Variants in ZNF276 observed in about 807,000 individuals in gnomAD.
ZNF276 encodes the protein centromere protein Z.
In ZNF276, 59 loss-of-function variants were observed where a neutral mutation model predicts 63.9. That is an observed-to-expected ratio of 0.92 (90% CI 0.75 to 1.15). The LOEUF is 1.15. ZNF276 is among the 50% of genes most tolerant of loss of function. The probability of loss-of-function intolerance (pLI) is 0.00; values close to 1 mark genes in which losing one functional copy is unlikely to be tolerated. For synonymous variants in ZNF276, 496 were observed against 348.4 expected (o/e 1.42, Z -4.72); for missense variants, 1,084 against 843.8 (o/e 1.28, Z -3.53).
Position 89,740,741 on chromosome 16 carries a change from G to A in ZNF276, c.*2495G>A. On this transcript the variant is annotated 3_prime_UTR_variant, in exon 11 of 11. Transcript: ENST00000443381. ...GGAAACCCTGACTTGGAAGCTGGCT[G>A]CCTGGTGCCCCTGCCTGGCCCACAG... 7.0e-7 allele frequency: 1 copy of A among 1,429,388 alleles called. No individual in the cohort carries two copies. The highest frequency in any genetic ancestry group is 9.8e-7 in the Non-Finnish European group (1 of 1,018,776). 88.5% of individuals were successfully genotyped at this position (1,429,388 alleles called of 1,614,324 possible).
At chr16:89,731,206 C>T (rs1275812349) in intron 6 of ZNF276, among the ~76,000 whole-genome samples, 1 of 152,244 alleles carries the variant, frequency 6.6e-6, no homozygotes, top group African/African-American at 2.4e-5. Context: ...TTATTAGGGA[C>T]AGGGAGAGAA....
At chr16:89,736,390 TCTCAGCTCACTGCAAC>T (rs1381119156) in intron 9 of ZNF276, among the ~76,000 whole-genome samples, 1 of 149,722 alleles carries the variant, frequency 6.7e-6, no homozygotes, top group Non-Finnish European at 1.5e-5. Context: ...AGCTGTGCAA[TCTCAGCTCACTGCAAC>T]CTCCACCTCC....
chr16:89,739,409 C>T lies in ZNF276; in HGVS notation c.*1163C>T. On this transcript the variant is annotated 3_prime_UTR_variant, in exon 11 of 11. Transcript: ENST00000443381. ...AGACAACCCTTCCCATCTGGCGGGA[C>T]CCAGAGGTGCTGAGATGGGGGTCTG... is the stretch of plus-strand genomic sequence containing the variant. 6.4e-7 allele frequency: 1 copy of T among 1,557,972 alleles called. No individual in the cohort carries two copies. Among genetic ancestry groups the T allele is most frequent in the African/African-American group, 1.4e-5 (1 of 73,854 alleles).
chr16:89,721,865 G>A lies in ZNF276; in HGVS notation c.205+20G>A. ...AGGCAGGTGGGTCCGCGGCCCGGGC[G>A]TGGCGGGTTGGGGTCGCGGCAGGGG... On this transcript the variant is annotated intron_variant, in intron 1 of 10. Transcript: ENST00000443381. 7 of 1,200,324 alleles carry A rather than the reference G, an allele frequency of 5.8e-6. No individual in the cohort carries two copies. The highest frequency in any genetic ancestry group is 7.2e-6 in the Non-Finnish European group (7 of 967,254). 74.4% of individuals were successfully genotyped at this position (1,200,324 alleles called of 1,614,324 possible).
In ZNF276 at chr16:89,739,165, G is replaced by T. The variant is rs372493612; in HGVS notation, c.*919G>T. ...TTGAGCTCCAGGCTCCTGCCAGCTG[G>T]AGGTGAAACTGTGCTTGTATCCCCA... is the stretch of plus-strand genomic sequence containing the variant. On this transcript the variant is annotated 3_prime_UTR_variant, in exon 11 of 11. Transcript: ENST00000443381. 1 of 1,614,152 alleles carries T rather than the reference G, an allele frequency of 6.2e-7. No individual in the cohort carries two copies. The highest frequency in any genetic ancestry group is 8.5e-7 in the Non-Finnish European group (1 of 1,180,042).
Position 89,739,974 on chromosome 16 carries a change from C to T in ZNF276, c.*1728C>T, listed in dbSNP as rs2151714503. 1.9e-6 allele frequency: 3 copies of T among 1,613,334 alleles called. No homozygotes were observed. Among genetic ancestry groups the T allele is most frequent in the Middle Eastern group, 3.3e-4 (2 of 6,060 alleles). ...AAAGAGCGGCCCTCCGCATTTGTGC[C>T]TCAGCAGCGTGTTTCTTACCACTCT... On this transcript the variant is annotated 3_prime_UTR_variant, in exon 11 of 11. Coordinates refer to ENST00000443381, the MANE Select transcript of ZNF276 (RefSeq NM_001113525.2).
At chr16:89,725,367 A>T (rs1028228810) in intron 4 of ZNF276, among the ~76,000 whole-genome samples, 12 of 151,300 alleles carry the variant, frequency 7.9e-5, no homozygotes, top group African/African-American at 2.9e-4. Context: ...TTTTTAGTAG[A>T]GATGGGGTTT....
At chr16:89,720,385 T>G (rs200708331), upstream of ZNF276, 4 of 994,424 alleles carry the variant, frequency 4.0e-6, no homozygotes, top group Non-Finnish European at 3.6e-6. Context: ...TGCCGTCCCC[T>G]GTGGCAACCG....
At position 89,721,681 on chromosome 16, in the gene ZNF276, C is replaced by A; in HGVS notation, c.41C>A (p.Ser14Ter). 2.1e-6 allele frequency: 3 copies of A among 1,434,496 alleles called. No homozygotes were observed. Among genetic ancestry groups the A allele is most frequent in the South Asian group, 1.4e-5 (1 of 73,318 alleles). The allele number at this position is 1,434,496 out of a possible 1,614,324, so 88.9% of individuals were successfully genotyped here. Residue 14 changes from serine to a stop codon, truncating the protein, a stop_gained, in exon 1 of 11, where the codon TCG becomes TAG. Transcript: ENST00000443381. LOFTEE classifies it high-confidence loss of function. ...CTGGGCCGCTTCCTGTCTCCTGGGT[C>A]GTCCCGACAGTGCGGGGCCTCGGAC... Reference protein sequence around the residue: ...DRLGRFLSPGSSRQCGASDGG... With the variant: ...DRLGRFLSPG
chr16:89,737,942 C>T (rs2062001371), intron 10 of ZNF276, 34 bp from the exon 11 acceptor site: 3 of 1,613,814 alleles, frequency 1.9e-6, no homozygotes, highest in South Asian at 1.1e-5. Context: ...AGGGCTGTGG[C>T]CCTCGCACCT....
At position 89,738,685 on chromosome 16, in the gene ZNF276, G is replaced by A. The variant is rs367630825; in HGVS notation, c.*439G>A. ...GGAGGGCGGCGCTCACCTCTGGGTC[G>A]CAGTCCCCACGATCAGCCAGCAGCT... On this transcript the variant is annotated 3_prime_UTR_variant, in exon 11 of 11. Coordinates refer to ENST00000443381, the MANE Select transcript of ZNF276 (RefSeq NM_001113525.2). The A allele has an allele frequency of 4.8e-5, 78 of 1,613,900 alleles. No homozygotes were observed. Among genetic ancestry groups the A allele is most frequent in the South Asian group, 9.9e-5 (9 of 91,084 alleles).
intron 9 of ZNF276, 139 bp from the exon 10 acceptor site, chr16:89,737,667 G>C (rs1034662653): frequency 2.0e-6 from 3 of 1,500,148 alleles, no homozygotes; most frequent in Admixed American, 2.2e-5. Context: ...GCCCTCATAG[G>C]CCCCTTGCTT....
At position 89,723,297 on chromosome 16, in the gene ZNF276, C is replaced by T; in HGVS notation, c.594C>T (p.Gly198=). 1 of 1,613,064 alleles carries T rather than the reference C, an allele frequency of 6.2e-7. No homozygotes were observed. The highest frequency in any genetic ancestry group is 8.5e-7 in the Non-Finnish European group (1 of 1,180,006). ...LITSSPQCLH[G]LVGWVHGHAA... The stretch of plus-strand genomic sequence containing the variant: ...CATCCAGCCCCCAGTGCCTGCACGG[C>T]TTGGTGGGGTGGGTGCATGGACATG... Residue 198 remains glycine, a synonymous_variant, in exon 4 of 11, where the codon GGC becomes GGT. Transcript: ENST00000443381.
chr16:89,735,158 G>A (rs1389418272), intron 9 of ZNF276, among the ~76,000 whole-genome samples: 1 of 151,996 alleles, frequency 6.6e-6, no homozygotes, highest in East Asian at 1.9e-4. Context: ...GAACCACGTG[G>A]ACCCACATAT....
chr16:89,730,902 A>G (rs2151684872), intron 6 of ZNF276, among the ~76,000 whole-genome samples: 1 of 152,334 alleles, frequency 6.6e-6, no homozygotes, highest in Admixed American at 6.5e-5. Context: ...GACTTCTGTG[A>G]TGTGTTAATG....
Position 89,723,253 on chromosome 16 carries a change from T to C in ZNF276, c.557-7T>C, listed in dbSNP as rs2061364412. On this transcript the variant is annotated splice_polypyrimidine_tract_variant and splice_region_variant and intron_variant, in intron 3 of 10. Coordinates refer to ENST00000443381, the MANE Select transcript of ZNF276 (RefSeq NM_001113525.2). ...GTGGATCTGACATCTCTGTTGACTC[T>C]CTGCAGTGGATCTGATCACATCCAG... The C allele has an allele frequency of 6.2e-7, 1 of 1,613,080 alleles. No homozygotes were observed. Among genetic ancestry groups the C allele is most frequent in the South Asian group, 1.1e-5 (1 of 91,086 alleles).
intron 4 of ZNF276, among the ~76,000 whole-genome samples, chr16:89,726,014 A>G (rs987643446): frequency 6.6e-6 from 1 of 152,014 alleles, no homozygotes; most frequent in Non-Finnish European, 1.5e-5. Flanking sequence ...CCTGGCCGAG[A>G]GAACAGTATT....
rs2062118107 is a variant in ZNF276, at chr16:89,740,922, T to G, written c.*2676T>G. On this transcript the variant is annotated 3_prime_UTR_variant, in exon 11 of 11. Coordinates refer to ENST00000443381, the MANE Select transcript of ZNF276 (RefSeq NM_001113525.2). ...ATTAAAATTACCTGTGCTGTCATTC[T>G]AAATAAGGCTGACACATTCCTCTTT... 8 of 1,456,116 alleles carry G rather than the reference T, an allele frequency of 5.5e-6. No individual in the cohort carries two copies. Among genetic ancestry groups the G allele is most frequent in the Non-Finnish European group, 5.7e-6 (6 of 1,053,690 alleles). The allele number at this position is 1,456,116 out of a possible 1,614,324, so 90.2% of individuals were successfully genotyped here.
rs1192846072 is a variant in ZNF276 at position 89,740,648 on chromosome 16, A to T, written c.*2402A>T. On this transcript the variant is annotated 3_prime_UTR_variant, in exon 11 of 11. Transcript: ENST00000443381. ...GAGACCCCCATCTCAAAAAAAAAAAAAAAAAACCCACGGCCTGGGAGTTCT... is the reference window on the plus strand; with the variant it reads ...GAGACCCCCATCTCAAAAAAAAAAATAAAAAACCCACGGCCTGGGAGTTCT... 1.5e-6 allele frequency: 1 copy of T among 647,322 alleles called. No individual in the cohort carries two copies. Among genetic ancestry groups the T allele is most frequent in the African/African-American group, 1.9e-5 (1 of 53,994 alleles). 40.1% of individuals were successfully genotyped at this position (647,322 alleles called of 1,614,324 possible).
Sources: gnomAD v4.1 joint callset for allele counts (sites outside exome capture counted in the v4.1 genomes callset) on GRCh38, gnomAD v4.1.1 for gene constraint, MANE v1.5 for transcripts, NCBI Gene and HGNC (gene_info 2026-07-23, HGNC 2026-07-21) for gene names.